The following COL25A1 variants were observed in gnomAD, a reference collection of about 807,000 sequenced individuals.
The protein encoded by COL25A1 is collagen alpha-1(XXV) chain.
Under a neutral mutation model 128.4 loss-of-function variants are expected in COL25A1, and 103 were observed. The ratio of observed to expected loss-of-function variants is 0.80; its 90% CI spans 0.68 to 0.94. COL25A1 has a LOEUF of 0.94. COL25A1 is among the 40% of genes least tolerant of loss of function. The pLI is 0.00. For synonymous variants in COL25A1, 279 were observed against 277.2 expected (o/e 1.01, Z -0.06); for missense variants, 745 against 840.0 (o/e 0.89, Z 1.40).
chr4:109,156,757 T>A (rs1334846560), intron 3 of COL25A1, among the ~76,000 whole-genome samples: 1 of 152,224 alleles, frequency 6.6e-6, no homozygotes, highest in Non-Finnish European at 1.5e-5. Flanking sequence ...TCCATCCAGT[T>A]TTTGTTTTCA....
chr4:108,963,396 T>C (rs2125973282), intron 8 of COL25A1, among the ~76,000 whole-genome samples: 1 of 152,340 alleles, frequency 6.6e-6, no homozygotes, highest in South Asian at 2.1e-4. Context: ...TCATTATTCA[T>C]GGGTATTACC....
chr4:109,055,846 A>G (rs1213399101), intron 3 of COL25A1, among the ~76,000 whole-genome samples: 1 of 152,176 alleles, frequency 6.6e-6, no homozygotes, highest in Admixed American at 6.5e-5. Flanking sequence ...GCACCAACCT[A>G]ATACATTAAT....
At chr4:109,262,729 C>T (rs1404877561) in intron 3 of COL25A1, among the ~76,000 whole-genome samples, 1 of 152,114 alleles carries the variant, frequency 6.6e-6, no homozygotes, top group Admixed American at 6.5e-5. Context: ...AGACAAAACA[C>T]TGAAATAGTT....
intron 16 of COL25A1, among the ~76,000 whole-genome samples, chr4:108,894,107 G>C (rs972150166): frequency 6.6e-6 from 1 of 152,126 alleles, no homozygotes; most frequent in Non-Finnish European, 1.5e-5. Flanking sequence ...TATTATGTGT[G>C]AGTCAGTATG....
chr4:109,204,477 C>G (rs1225775585), intron 3 of COL25A1, among the ~76,000 whole-genome samples: 1 of 151,974 alleles, frequency 6.6e-6, no homozygotes. Flanking sequence ...TTTATTACAG[C>G]CAGAAAAGCA....
intron 5 of COL25A1, among the ~76,000 whole-genome samples, chr4:109,036,277 T>G (rs1001411987): frequency 1.3e-5 from 2 of 152,142 alleles, no homozygotes; most frequent in Admixed American, 6.5e-5. Flanking sequence ...ACAAGGGAGC[T>G]AATGCCTATG....
At chr4:108,994,471 TG>T (rs1395593525) in intron 6 of COL25A1, among the ~76,000 whole-genome samples, 1 of 152,154 alleles carries the variant, frequency 6.6e-6, no homozygotes, top group Non-Finnish European at 1.5e-5. Flanking sequence ...AAGCACCAAA[TG>T]GGCAGAGCCC....
At chr4:108,836,177 C>T (rs1044072618) in intron 31 of COL25A1, among the ~76,000 whole-genome samples, 3 of 151,932 alleles carry the variant, frequency 2.0e-5, no homozygotes, top group Non-Finnish European at 2.9e-5. Context: ...GCCTTACATA[C>T]GTCTTTTGTT....
At chr4:109,226,971 T>C (rs1056539307) in intron 3 of COL25A1, among the ~76,000 whole-genome samples, 3 of 152,186 alleles carry the variant, frequency 2.0e-5, no homozygotes, top group African/African-American at 7.2e-5. Flanking sequence ...CATATATCAC[T>C]GTGGTTGCTA....
intron 30 of COL25A1, among the ~76,000 whole-genome samples, chr4:108,843,561 A>G (rs921962852): frequency 2.0e-5 from 3 of 152,310 alleles, no homozygotes; most frequent in Middle Eastern, 3.4e-3. Context: ...CTCACTGGAC[A>G]TCAGTTTCTT....
intron 31 of COL25A1, 136 bp downstream of exon 31, chr4:108,841,559 T>C (rs965805430): frequency 2.9e-6 from 2 of 680,948 alleles, no homozygotes; most frequent in Non-Finnish European, 5.0e-6. Context: ...GATTTAAACA[T>C]ATGGATGCTT....
intron 3 of COL25A1, among the ~76,000 whole-genome samples, chr4:109,187,199 C>CTA (rs1775219772): frequency 1.0e-5 from 1 of 97,972 alleles, no homozygotes; most frequent in African/African-American, 4.2e-5. Flanking sequence ...CTCTTGCTCT[C>CTA]TACACACACA....
intron 3 of COL25A1, among the ~76,000 whole-genome samples, chr4:109,165,041 C>T (rs1198600030): frequency 6.6e-6 from 1 of 152,064 alleles, no homozygotes; most frequent in Non-Finnish European, 1.5e-5. Context: ...CTGTTACCTC[C>T]AAATAGAAAA....
chr4:109,264,786 C>G (rs866893033), intron 3 of COL25A1, among the ~76,000 whole-genome samples: 1 of 152,104 alleles, frequency 6.6e-6, no homozygotes, highest in Admixed American at 6.5e-5. Flanking sequence ...ATTGGCACTC[C>G]CTGGTTTACA....
chr4:109,243,435 T>G (rs540747604), intron 3 of COL25A1, among the ~76,000 whole-genome samples: 5 of 149,070 alleles, frequency 3.4e-5, no homozygotes, highest in Non-Finnish European at 7.4e-5. Context: ...CTAAAAAAAA[T>G]TTTTTTTTTA....
intron 19 of COL25A1, among the ~76,000 whole-genome samples, chr4:108,874,462 A>AG (rs1560787577): frequency 9.3e-6 from 1 of 107,632 alleles, no homozygotes; most frequent in Non-Finnish European, 2.0e-5. Flanking sequence ...ATAAATCCAG[A>AG]GGGTTTTTTT....
intron 3 of COL25A1, among the ~76,000 whole-genome samples, chr4:109,197,317 C>A (rs1025389843): frequency 1.4e-5 from 2 of 137,956 alleles, no homozygotes; most frequent in Non-Finnish European, 3.0e-5. Flanking sequence ...CAGAGAAAGA[C>A]CCTGTCTCAA....
chr4:109,072,280 G>T (rs1464602713), intron 3 of COL25A1, among the ~76,000 whole-genome samples: 1 of 152,036 alleles, frequency 6.6e-6, no homozygotes, highest in Non-Finnish European at 1.5e-5. Flanking sequence ...TCAAATTTCT[G>T]TTAACAGATG....
intron 5 of COL25A1, among the ~76,000 whole-genome samples, chr4:109,047,405 C>T (rs1384044946): frequency 2.6e-5 from 4 of 152,120 alleles, no homozygotes; most frequent in East Asian, 1.9e-4. Flanking sequence ...TATGTTCTCA[C>T]TCATAAGTGG....
Sources: gnomAD v4.1 joint callset for allele counts (sites outside exome capture counted in the v4.1 genomes callset) on GRCh38, gnomAD v4.1.1 for gene constraint, MANE v1.5 for transcripts, NCBI Gene and HGNC (gene_info 2026-07-23, HGNC 2026-07-21) for gene names.